Variants in LRP2 observed in about 807,000 individuals in gnomAD.
The protein encoded by LRP2 is low-density lipoprotein receptor-related protein 2.
Under a neutral mutation model 531.0 loss-of-function variants are expected in LRP2, and 172 were observed. That is an observed-to-expected ratio of 0.32 (90% CI 0.29 to 0.37). The LOEUF is 0.37. LRP2 is among the 10% of genes least tolerant of loss of function. The pLI, the probability that LRP2 is intolerant of heterozygous loss-of-function variation, is 1.00. For missense variants in LRP2, 5,167 were observed against 5,868.3 expected (o/e 0.88, Z 3.90); for synonymous variants, 1,992 against 2,027.6 (o/e 0.98, Z 0.47).
rs1689206415 is a variant in LRP2, at chr2:169,226,540, A to C, written c.5276T>G (p.Ile1759Ser). 6.2e-7 allele frequency: 1 copy of C among 1,613,028 alleles called. No individual in the cohort carries two copies. Residue 1759 changes from isoleucine (I) to serine (S), a missense_variant, in exon 32 of 79, where the codon ATC (isoleucine) becomes AGC (serine). Physicochemically the swap from Ile to Ser is moderately radical, Grantham distance 142. Around this residue, in one of 6 missense-constraint regions of LRP2, gnomAD observed 2,811 missense variants for 3,058.0 expected, o/e 0.92. Transcript: ENST00000649046. Reference protein sequence around the residue: ...ITVRQHIIFGISLNPEVKSND... With the variant: ...ITVRQHIIFGSSLNPEVKSND... ...GCTCTTCACCTCAGGATTAAGGGAG[A>C]TTCCAAAAATTATATGTTGCCTTAC...
At chr2:169,261,788 C>A (rs1467963859) in intron 16 of LRP2, among the ~76,000 whole-genome samples, 1 of 152,062 alleles carries the variant, frequency 6.6e-6, no homozygotes, top group Non-Finnish European at 1.5e-5. Context: ...AGAGACACAA[C>A]CAAAACAGAG....
Position 169,275,096 on chromosome 2 carries a change from A to G in LRP2, c.1915T>C (p.Tyr639His), listed in dbSNP as rs746236865. The change falls in exon 14 of 79, where the codon TAC becomes CAC. Residue 639 changes from tyrosine (Y) to histidine (H), a missense_variant. Tyr to His is a moderately conservative substitution (Grantham distance 83). This residue lies in a region of LRP2 where 2,811 missense variants were observed against 3,058.0 expected (regional missense o/e 0.92). Coordinates refer to ENST00000649046, the MANE Select transcript of LRP2 (RefSeq NM_004525.3). ...CCATAGGGCCTCAGGGAAGCCTGGT[A>G]GTACACTTGTGGGTTGGTCTCTGTG... ...KFTETNPQVY[Y>H]QASLRPYGVT... 6 of 1,613,796 alleles carry G rather than the reference A, an allele frequency of 3.7e-6. No homozygotes were observed. Among genetic ancestry groups the G allele is most frequent in the Non-Finnish European group, 5.1e-6 (6 of 1,179,846 alleles).
intron 1 of LRP2, among the ~76,000 whole-genome samples, chr2:169,358,910 A>AG (rs1553517974): frequency 1.2e-4 from 18 of 151,108 alleles, no homozygotes; most frequent in African/African-American, 3.9e-4. Flanking sequence ...AAAAAAAAAA[A>AG]AAAAAAGAAA....
At chr2:169,160,685 A>AAAAAAAAAAAAAAAACAAAAAAAC (rs970862922) in intron 63 of LRP2, among the ~76,000 whole-genome samples, 12 of 94,282 alleles carry the variant, frequency 1.3e-4, no homozygotes, top group African/African-American at 4.5e-4. Flanking sequence ...ATTTCCTTAA[A>AAAAAAAAAAAAAAAACAAAAAAAC]AAAAAAAAAA....
At chr2:169,281,092 T>C (rs1273229087) in intron 10 of LRP2, among the ~76,000 whole-genome samples, 2 of 152,144 alleles carry the variant, frequency 1.3e-5, no homozygotes, top group African/African-American at 4.8e-5. Flanking sequence ...TTAAACAAAT[T>C]ATGAACATAA....
intron 1 of LRP2, among the ~76,000 whole-genome samples, chr2:169,355,544 T>C (rs571923745): frequency 6.6e-6 from 1 of 152,312 alleles, no homozygotes; most frequent in Admixed American, 6.5e-5. Flanking sequence ...GATTCAGTGG[T>C]TGGTTCTCCA....
intron 1 of LRP2, among the ~76,000 whole-genome samples, chr2:169,326,161 T>TC (rs1559076327): frequency 1.5e-4 from 7 of 46,670 alleles, no homozygotes; most frequent in African/African-American, 3.2e-4. Flanking sequence ...CCTCTCCCTC[T>TC]CCCTCTCCCT....
At position 169,201,775 on chromosome 2, in the gene LRP2, C is replaced by A; in HGVS notation, c.8305G>T (p.Gly2769Cys). The A allele has an allele frequency of 6.2e-7, 1 of 1,614,220 alleles. No homozygotes were observed. The highest frequency in any genetic ancestry group is 8.5e-7 in the Non-Finnish European group (1 of 1,180,044). The change falls in exon 44 of 79, where the codon GGC (glycine) becomes TGC (cysteine). Residue 2769 changes from glycine to cysteine, a missense_variant. Gly to Cys is a radical substitution (Grantham distance 159). Transcript: ENST00000649046. ...AACAGGCACCCTGCCTCATCACTGC[C>A]ATCACCACAGTCATTGTAGTAATCA... ...RCDYYNDCGDGSDEAGCLFRD... is the reference protein window; with the variant it reads ...RCDYYNDCGDCSDEAGCLFRD...
chr2:169,131,243 G>A (rs959104573), intron 77 of LRP2, among the ~76,000 whole-genome samples: 1 of 123,582 alleles, frequency 8.1e-6, no homozygotes, highest in Non-Finnish European at 1.6e-5. Flanking sequence ...ATGTATGTCT[G>A]TGAGTGTATG....
intron 33 of LRP2, among the ~76,000 whole-genome samples, chr2:169,222,426 G>A (rs900750237): frequency 6.6e-6 from 1 of 152,150 alleles, no homozygotes; most frequent in Non-Finnish European, 1.5e-5. Flanking sequence ...GTTGTCCCCA[G>A]TCATAAAATG....
intron 36 of LRP2, among the ~76,000 whole-genome samples, chr2:169,213,400 T>C (rs911950812): frequency 2.0e-5 from 3 of 152,168 alleles, no homozygotes; most frequent in African/African-American, 7.2e-5. Context: ...AAAAGCAAAG[T>C]AAGGAATTGA....
Position 169,245,710 on chromosome 2 carries a change from C to A in LRP2, c.3191-778G>T, listed in dbSNP as rs139384973. 2.6e-3 allele frequency among the ~76,000 whole-genome samples: 397 copies of A among 152,152 alleles called. 3 individuals are homozygous for A. The highest frequency in any genetic ancestry group is 0.017 in the Middle Eastern group (5 of 294). ...AAGAAGAATATAAAGGTTAAGACCA[C>A]CATTTCATTGTTAATTTATTTTACT... On this transcript the variant is annotated intron_variant, in intron 21 of 78. Transcript: ENST00000649046.
intron 48 of LRP2, among the ~76,000 whole-genome samples, chr2:169,190,898 C>T (rs970694267): frequency 6.6e-5 from 10 of 151,972 alleles, no homozygotes; most frequent in Non-Finnish European, 1.2e-4. Flanking sequence ...TTCCATAATC[C>T]AAGTATTTGT....
chr2:169,146,071 C>T (rs939805247), intron 69 of LRP2, 148 bp from the exon 70 acceptor site: 2 of 758,578 alleles, frequency 2.6e-6, no homozygotes. Context: ...TTCAGGCTGA[C>T]TTTAGCTACA....
At chr2:169,205,677 A>T in intron 40 of LRP2, 40 bp from the exon 41 acceptor site, 1 of 1,577,884 alleles carries the variant, frequency 6.3e-7, no homozygotes, top group Non-Finnish European at 8.7e-7. Flanking sequence ...TTCACAGGGA[A>T]CCTCATAGTC....
intron 12 of LRP2, 26 bp from the exon 13 acceptor site, chr2:169,277,977 A>G (rs1363580637): frequency 6.3e-7 from 1 of 1,583,036 alleles, no homozygotes; most frequent in Non-Finnish European, 8.7e-7. Flanking sequence ...AGAAGATGAA[A>G]GAATCTGGTA....
At chr2:169,180,442 T>C (rs1687384958) in intron 52 of LRP2, among the ~76,000 whole-genome samples, 1 of 152,220 alleles carries the variant, frequency 6.6e-6, no homozygotes, top group Non-Finnish European at 1.5e-5. Flanking sequence ...GCAATGAGAA[T>C]GCTAAAGGCT....
intron 1 of LRP2, among the ~76,000 whole-genome samples, chr2:169,352,683 G>T (rs1685881332): frequency 6.6e-6 from 1 of 152,156 alleles, no homozygotes; most frequent in Non-Finnish European, 1.5e-5. Flanking sequence ...AAAAAGGAAT[G>T]AGTTCATGTC....
chr2:169,214,004 T>C (rs2105344247), intron 35 of LRP2, 134 bp from the exon 36 acceptor site: 1 of 694,166 alleles, frequency 1.4e-6, no homozygotes, highest in East Asian at 2.7e-5. Context: ...TTTTCACTTC[T>C]ATTTTCTGAT....
Sources: gnomAD v4.1 joint callset for allele counts (sites outside exome capture counted in the v4.1 genomes callset) on GRCh38, gnomAD v4.1.1 for gene constraint, gnomAD v4.1.1 regional missense constraint, MANE v1.5 for transcripts, NCBI Gene and HGNC (gene_info 2026-07-23, HGNC 2026-07-21) for gene names.